Variants in INPP4B observed in about 807,000 individuals in gnomAD.
INPP4B encodes inositol polyphosphate 4-phosphatase type II.
A neutral mutation model predicts 122.5 loss-of-function variants in INPP4B; 55 were observed. That is an observed-to-expected ratio of 0.45 (90% CI 0.36 to 0.56). The LOEUF (loss-of-function observed/expected upper bound fraction) is 0.56, where lower values mean the gene tolerates loss of function less well. INPP4B is among the 20% of genes least tolerant of loss of function. INPP4B has a pLI of 0.00. For synonymous variants in INPP4B, 403 were observed against 388.7 expected, an observed-to-expected ratio of 1.04 and a Z score of -0.43; for missense variants, 1,000 against 1,097.7, an observed-to-expected ratio of 0.91 and a Z score of 1.26.
chr4:142,484,801 C>T (rs1402276422), intron 2 of INPP4B, among the ~76,000 whole-genome samples: 1 of 151,922 alleles, frequency 6.6e-6, no homozygotes. Flanking sequence ...TGTGTTATTC[C>T]CCTCTATGTG....
intron 9 of INPP4B, among the ~76,000 whole-genome samples, chr4:142,272,140 C>A (rs1746150907): frequency 6.6e-6 from 1 of 152,054 alleles, no homozygotes; most frequent in Non-Finnish European, 1.5e-5. Flanking sequence ...TAGCTGAACA[C>A]CAATGTTGTC....
At chr4:142,358,873 C>T (rs927844753) in intron 7 of INPP4B, among the ~76,000 whole-genome samples, 1 of 151,934 alleles carries the variant, frequency 6.6e-6, no homozygotes, top group African/African-American at 2.4e-5. Context: ...TGCTGTGTCT[C>T]AACTGAGCAG....
intron 25 of INPP4B, among the ~76,000 whole-genome samples, chr4:142,061,921 T>C (rs368646177): frequency 0.85 from 119,106 of 139,598 alleles, 51,376 homozygotes; most frequent in East Asian, 0.95. Context: ...TATATATATA[T>C]ATATATATAT....
At chr4:142,042,044 T>A (rs1466434461) in intron 25 of INPP4B, among the ~76,000 whole-genome samples, 1 of 152,204 alleles carries the variant, frequency 6.6e-6, no homozygotes, top group Non-Finnish European at 1.5e-5. Context: ...TTGTATTCTC[T>A]ATACTCCATA....
At chr4:142,228,124 T>TA (rs1391301293) in intron 12 of INPP4B, among the ~76,000 whole-genome samples, 2 of 151,976 alleles carry the variant, frequency 1.3e-5, no homozygotes, top group African/African-American at 4.8e-5. Context: ...AATATTTTTT[T>TA]ATCACATAGT....
rs140740957 is a variant in INPP4B, at chr4:142,289,254, T to C, written c.503+16204A>G. ...TTTTCTTGACTGTAATTTAAAATAC[T>C]TTTCTAGGCCTTCCAGGGTTCCTTC... On this transcript the variant is annotated intron_variant, in intron 9 of 25. Transcript: ENST00000262992. 4.6e-3 allele frequency among the ~76,000 whole-genome samples: 697 copies of C among 152,198 alleles called. 6 individuals carry two copies. The highest frequency in any genetic ancestry group is 0.016 in the African/African-American group (658 of 41,506).
Position 142,028,702 on chromosome 4 carries a change from AAAAC to A in INPP4B, c.*76_*79del, listed in dbSNP as rs1386161931. On this transcript the variant is annotated 3_prime_UTR_variant, in exon 26 of 26. Transcript: ENST00000262992. ...CCCCCACCACAAATTCATGACAATA[AAAAC>A]AAACAAAAAAGACCAAGGTGAAGAT... 1.6e-5 allele frequency: 24 copies of A among 1,463,610 alleles called. No individual in the cohort carries two copies. Among genetic ancestry groups the A allele is most frequent in the Non-Finnish European group, 1.9e-5 (21 of 1,081,178 alleles). The allele number at this position is 1,463,610 out of a possible 1,614,324, so 90.7% of individuals were successfully genotyped here.
chr4:142,402,732 C>A (rs895967666), intron 7 of INPP4B, among the ~76,000 whole-genome samples: 5 of 152,098 alleles, frequency 3.3e-5, no homozygotes, highest in African/African-American at 1.2e-4. Context: ...AAAGAAAAAT[C>A]TGTTCCAAAA....
At chr4:142,374,583 AC>A (rs1009473456) in intron 7 of INPP4B, among the ~76,000 whole-genome samples, 1 of 151,880 alleles carries the variant, frequency 6.6e-6, no homozygotes, top group Admixed American at 6.6e-5. Context: ...AATTACATTT[AC>A]TTTGGATCCT....
intron 25 of INPP4B, chr4:142,029,591 A>G (rs973754866): frequency 1.0e-6 from 1 of 985,360 alleles, no homozygotes; most frequent in African/African-American, 1.7e-5. Context: ...AGGTAATTTA[A>G]TTACAAAACA....
At chr4:142,149,698 A>G (rs1022246783) in intron 17 of INPP4B, among the ~76,000 whole-genome samples, 1 of 152,212 alleles carries the variant, frequency 6.6e-6, no homozygotes, top group Non-Finnish European at 1.5e-5. Context: ...TAAGTCTACA[A>G]AATGAACTGG....
intron 16 of INPP4B, among the ~76,000 whole-genome samples, chr4:142,163,763 A>G (rs1037924875): frequency 1.3e-5 from 2 of 151,680 alleles, no homozygotes; most frequent in African/African-American, 4.8e-5. Context: ...GATAAGGGGG[A>G]ACTATTGTAT....
chr4:142,615,835 A>G (rs574353834), intron 2 of INPP4B, among the ~76,000 whole-genome samples: 2 of 152,142 alleles, frequency 1.3e-5, no homozygotes, highest in Admixed American at 6.6e-5. Context: ...ACTTTTTCGT[A>G]GGGGTTGAGA....
At chr4:142,268,348 G>GAAAAAAAAAAAAAAAA (rs1383781390) in intron 10 of INPP4B, among the ~76,000 whole-genome samples, 3 of 26,768 alleles carry the variant, frequency 1.1e-4, no homozygotes, top group East Asian at 1.3e-3. Context: ...AAAAAAAAAT[G>GAAAAAAAAAAAAAAAA]AGGGGTAAGT....
chr4:142,576,932 T>A (rs1206223625), intron 2 of INPP4B, among the ~76,000 whole-genome samples: 2 of 152,044 alleles, frequency 1.3e-5, no homozygotes, highest in Non-Finnish European at 2.9e-5. Flanking sequence ...GAGTGATGTG[T>A]CCATGTACAC....
intron 21 of INPP4B, among the ~76,000 whole-genome samples, chr4:142,120,452 C>A (rs1411172646): frequency 6.6e-6 from 1 of 152,066 alleles, no homozygotes; most frequent in African/African-American, 2.4e-5. Context: ...GTCTTCTAAT[C>A]CATGAACACA....
intron 2 of INPP4B, among the ~76,000 whole-genome samples, chr4:142,517,823 C>T (rs1167463053): frequency 6.6e-6 from 1 of 152,178 alleles, no homozygotes; most frequent in African/African-American, 2.4e-5. Context: ...TAGCTCTTCA[C>T]ACCTCCACTT....
At chr4:142,794,321 G>T (rs1200233799) in intron 1 of INPP4B, among the ~76,000 whole-genome samples, 5 of 151,986 alleles carry the variant, frequency 3.3e-5, no homozygotes, top group Admixed American at 6.6e-5. Context: ...AATGGCAGCA[G>T]TAAGAAGGAC....
rs1358291339 is a variant in INPP4B, at chr4:142,463,826, CATCAT to C, written c.-190-1105_-190-1101del. ...AGAAGGACATGTTTGCTTCCCCTTCCATCATATTTGTAAGTTTCCTGAGGCCTCCC... is the reference window on the plus strand; with the variant it reads ...AGAAGGACATGTTTGCTTCCCCTTCCATTTGTAAGTTTCCTGAGGCCTCCC... On this transcript the variant is annotated intron_variant, in intron 2 of 25. Transcript: ENST00000262992. 2.1e-4 allele frequency among the ~76,000 whole-genome samples: 32 copies of C among 152,256 alleles called. No homozygotes were observed. The East Asian group carries it at 6.0e-3, about 28-fold the overall frequency.
Sources: gnomAD v4.1 joint callset for allele counts (sites outside exome capture counted in the v4.1 genomes callset) on GRCh38, gnomAD v4.1.1 for gene constraint, MANE v1.5 for transcripts, NCBI Gene and HGNC (gene_info 2026-07-23, HGNC 2026-07-21) for gene names.